The following GLIS3 variants were observed in gnomAD, a reference collection of about 807,000 sequenced individuals.
GLIS3 encodes the protein zinc finger protein GLIS3.
GLIS3 carries 53 observed loss-of-function variants against 78.6 expected under a neutral mutation model. That is an observed-to-expected ratio of 0.67 (90% CI 0.54 to 0.85). The LOEUF is 0.85. Among genes scored for constraint, GLIS3 ranks in the 40% least tolerant of loss-of-function variants. The pLI is 0.00. For missense variants in GLIS3, 1,703 were observed against 1,231.1 expected, an observed-to-expected ratio of 1.38 and a Z score of -5.74; for synonymous variants, 684 against 509.9, an observed-to-expected ratio of 1.34 and a Z score of -4.60.
At position 3,825,809 on chromosome 9, in the gene GLIS3, T is replaced by C. The variant is rs766401349; in HGVS notation, c.*2463A>G. ...TGCAGCTATCAGGAAAGACCCACGG[T>C]GCGGGAAGCAGGGCTGCACTGGGTC... On this transcript the variant is annotated 3_prime_UTR_variant, in exon 11 of 11. Coordinates refer to ENST00000381971, the MANE Select transcript of GLIS3 (RefSeq NM_001042413.2). 2.6e-5 allele frequency: 4 copies of C among 152,238 alleles called. No homozygotes were observed. The highest frequency in any genetic ancestry group is 6.5e-5 in the Admixed American group (1 of 15,286). 9.4% of individuals were successfully genotyped at this position (152,238 alleles called of 1,614,324 possible).
intron 2 of GLIS3, among the ~76,000 whole-genome samples, chr9:4,280,155 G>A (rs896134342): frequency 8.5e-5 from 13 of 152,128 alleles, no homozygotes; most frequent in South Asian, 2.1e-4. Context: ...GCATAGCTGC[G>A]TCAACAGGCA....
At chr9:4,379,214 C>G in the GLIS3 span, among the ~76,000 whole-genome samples, 1 of 152,188 alleles carries the variant, frequency 6.6e-6, no homozygotes, top group East Asian at 1.9e-4. Context: ...ACTGCACTCT[C>G]TCCCCTCTAT....
rs1387392810 is a variant in GLIS3 at position 4,279,344 on chromosome 9, CACACACACACACACACACAT to C, written c.388+6674_388+6693del. On this transcript the variant is annotated intron_variant, in intron 2 of 10. Coordinates refer to ENST00000381971, the MANE Select transcript of GLIS3 (RefSeq NM_001042413.2). ...ATATATACACACACACACACACACA[CACACACACACACACACACAT>C]AATACATATTATATATATTTTATAT... is the stretch of plus-strand genomic sequence containing the variant. 3.8e-3 allele frequency among the ~76,000 whole-genome samples: 465 copies of C among 121,372 alleles called. 9 individuals are homozygous for C. The highest frequency in any genetic ancestry group is 0.013 in the African/African-American group (417 of 32,712). 79.6% of individuals were successfully genotyped at this position (121,372 alleles called of 152,430 possible). A position where few individuals can be genotyped will look rare whatever the true frequency, so the allele number is the denominator to read the frequency against.
chr9:4,180,460 A>G (rs1226926775), intron 2 of GLIS3, among the ~76,000 whole-genome samples: 1 of 152,162 alleles, frequency 6.6e-6, no homozygotes, highest in Non-Finnish European at 1.5e-5. Flanking sequence ...ATGCCCCCAC[A>G]TAATTTTTTA....
the GLIS3 span, among the ~76,000 whole-genome samples, chr9:4,439,417 TCTC>T: frequency 1.1e-4 from 16 of 152,134 alleles, no homozygotes; most frequent in Non-Finnish European, 2.4e-4. Context: ...TTTCTCTTCT[TCTC>T]CTCCTATCTT....
rs75462592 is a variant in GLIS3 at position 4,118,262 on chromosome 9, C to A, written c.1216G>T (p.Gly406Cys). 2,651 of 1,589,568 alleles carry A rather than the reference C, an allele frequency of 1.7e-3. 27 individuals are homozygous for A. The African/African-American group carries it at 0.029, about 17-fold the overall frequency. Residue 406 changes from glycine (G) to cysteine (C), a missense_variant, in exon 4 of 11, where the codon GGC becomes TGC. Physicochemically the swap from Gly to Cys is radical, Grantham distance 159. Transcript: ENST00000381971. The surrounding 1 kb of genome is among the most constrained non-coding windows in gnomAD (Gnocchi z 4.7). ...QQLEHGGLQPGLVNHMVVQHG... is the reference protein window; with the variant it reads ...QQLEHGGLQPCLVNHMVVQHG... ...TGCACCACCATGTGGTTGACCAGGC[C>A]TGGCTGCAGGCCGCCGTGCTCCAGC...
rs568141681 is a variant in GLIS3 at position 3,977,485 on chromosome 9, A to C, written c.1711-40296T>G. On this transcript the variant is annotated intron_variant, in intron 4 of 10. Coordinates refer to ENST00000381971, the MANE Select transcript of GLIS3 (RefSeq NM_001042413.2). This position sits in a 1 kb window ranked among gnomAD's most constrained non-coding sequence, Gnocchi z 4.1. ...CGGTAAGAAAAGAAAAGATTTATTG[A>C]ATTCCTTTTGGCACCCGGCACAGCT... 6.6e-6 allele frequency among the ~76,000 whole-genome samples: 1 copy of C among 152,286 alleles called. No individual in the cohort carries two copies. Among genetic ancestry groups the C allele is most frequent in the African/African-American group, 2.4e-5 (1 of 41,546 alleles).
At chr9:4,395,353 T>TTCTTTTTCTCCCTTCTCATTTATTA in the GLIS3 span, among the ~76,000 whole-genome samples, 1 of 152,194 alleles carries the variant, frequency 6.6e-6, no homozygotes, top group Admixed American at 6.5e-5. Context: ...TGACATGATT[T>TTCTTTTTCTCCCTTCTCATTTATTA]TCTTTTTCTC....
chr9:4,020,516 A>G (rs1822799869), intron 4 of GLIS3, among the ~76,000 whole-genome samples: 1 of 152,186 alleles, frequency 6.6e-6, no homozygotes, highest in South Asian at 2.1e-4. Flanking sequence ...GTATAAGAGC[A>G]TGATGTGTTT....
chr9:3,838,464 A>T (rs1818499991), intron 9 of GLIS3, among the ~76,000 whole-genome samples: 2 of 152,188 alleles, frequency 1.3e-5, no homozygotes, highest in Admixed American at 1.3e-4. Flanking sequence ...AGGGTAGAAT[A>T]AAGGAAGGTT....
chr9:4,471,460 C>T, the GLIS3 span, among the ~76,000 whole-genome samples: 11 of 152,136 alleles, frequency 7.2e-5, no homozygotes, highest in African/African-American at 2.7e-4. Context: ...CACACATCTA[C>T]AATCATCTGA....
chr9:4,201,147 A>G (rs1270024875), intron 2 of GLIS3, among the ~76,000 whole-genome samples: 2 of 152,218 alleles, frequency 1.3e-5, no homozygotes, highest in Non-Finnish European at 2.9e-5. Flanking sequence ...CTTCATGATA[A>G]AAAACCTCAA....
At chr9:4,326,246 A>G (rs533798329) in intron 2 of GLIS3, among the ~76,000 whole-genome samples, 1 of 152,348 alleles carries the variant, frequency 6.6e-6, no homozygotes, top group Non-Finnish European at 1.5e-5. Context: ...GAAGAAAAAT[A>G]TATACACCAA....
At chr9:4,339,323 A>G (rs1265779625) in intron 2 of GLIS3, among the ~76,000 whole-genome samples, 1 of 152,218 alleles carries the variant, frequency 6.6e-6, no homozygotes, top group African/African-American at 2.4e-5. Flanking sequence ...AAAATGTTTC[A>G]TTTTGAAGTA....
chr9:4,316,672 G>C (rs1817441145), intron 2 of GLIS3, among the ~76,000 whole-genome samples: 1 of 152,174 alleles, frequency 6.6e-6, no homozygotes, highest in African/African-American at 2.4e-5. Context: ...AGTGTGCCCT[G>C]AGATGGGACG....
At chr9:4,059,804 T>TTGTG (rs138674422) in intron 4 of GLIS3, among the ~76,000 whole-genome samples, 267 of 107,670 alleles carry the variant, frequency 2.5e-3, no homozygotes, top group South Asian at 0.012. Flanking sequence ...TCAGCTTTAT[T>TTGTG]TGTGTGTGTG....
intron 7 of GLIS3, among the ~76,000 whole-genome samples, chr9:3,897,189 G>A (rs1328511391): frequency 6.6e-6 from 1 of 152,092 alleles, no homozygotes; most frequent in East Asian, 1.9e-4. Flanking sequence ...AGCCAGACTA[G>A]CCCATCACTA....
intron 2 of GLIS3, among the ~76,000 whole-genome samples, chr9:4,315,351 T>C (rs1266776113): frequency 6.6e-6 from 1 of 152,182 alleles, no homozygotes; most frequent in Non-Finnish European, 1.5e-5. Flanking sequence ...CGGGAGACTC[T>C]GGGGTCCTTA....
chr9:3,844,248 A>G (rs982298959), intron 9 of GLIS3, among the ~76,000 whole-genome samples: 1 of 152,196 alleles, frequency 6.6e-6, no homozygotes, highest in African/African-American at 2.4e-5. Flanking sequence ...AGGAAGCTCC[A>G]TCTATAGCTG....
Sources: allele counts gnomAD v4.1 joint callset (sites outside exome capture counted in the v4.1 genomes callset), GRCh38; gene constraint gnomAD v4.1.1; non-coding constraint Gnocchi (gnomAD v3.1); transcripts MANE v1.5; gene names NCBI Gene and HGNC (gene_info 2026-07-23, HGNC 2026-07-21).